Variants in MGAT5 observed in about 807,000 individuals in gnomAD.
MGAT5 encodes the protein alpha-1,6-mannosylglycoprotein 6-beta-N-acetylglucosaminyltransferase.
Under a neutral mutation model 94.3 loss-of-function variants are expected in MGAT5, and 30 were observed. The observed-to-expected ratio is 0.32, with a 90% CI of 0.24 to 0.43. The LOEUF is 0.43. MGAT5 is among the 20% of genes least tolerant of loss of function. The pLI, the probability that MGAT5 is intolerant of heterozygous loss-of-function variation, is 1.00. For synonymous variants in MGAT5, 310 were observed against 322.9 expected (o/e 0.96, Z 0.43); for missense variants, 691 against 905.5 (o/e 0.76, Z 3.04).
chr2:134,341,482 G>T (rs927617336), intron 6 of MGAT5, 108 bp from the exon 7 acceptor site: 71 of 880,690 alleles, frequency 8.1e-5, no homozygotes, highest in Non-Finnish European at 1.1e-4. Flanking sequence ...CTTTGATTTT[G>T]TTAGGATGTA....
At chr2:134,400,021 T>A (rs1682943190) in intron 10 of MGAT5, among the ~76,000 whole-genome samples, 1 of 152,204 alleles carries the variant, frequency 6.6e-6, no homozygotes, top group African/African-American at 2.4e-5. Context: ...TTTGAGCCCC[T>A]TGATGGCAAG....
intron 1 of MGAT5, among the ~76,000 whole-genome samples, chr2:134,258,810 T>C (rs1370956226): frequency 1.3e-5 from 2 of 152,254 alleles, no homozygotes; most frequent in African/African-American, 4.8e-5. Flanking sequence ...TGCCACATCC[T>C]GTCTGCATGG....
In MGAT5 at chr2:134,428,445, G is replaced by T; in HGVS notation, c.1869+6G>T. ...ATGCTTTCATTGAAAAACAGGTAAG[G>T]CTTATCAGAAGTCAGTCTGTCTTTG... On this transcript the variant is annotated splice_donor_region_variant and intron_variant, in intron 14 of 15. Transcript: ENST00000281923. The T allele has an allele frequency of 6.2e-7, 1 of 1,613,118 alleles. No homozygotes were observed. The highest frequency in any genetic ancestry group is 8.5e-7 in the Non-Finnish European group (1 of 1,179,412).
intron 1 of MGAT5, among the ~76,000 whole-genome samples, chr2:134,122,872 C>G (rs980341196): frequency 6.6e-6 from 1 of 152,230 alleles, no homozygotes; most frequent in Non-Finnish European, 1.5e-5. Flanking sequence ...CCAGATCTGC[C>G]GGTGGCAACC....
intron 13 of MGAT5, among the ~76,000 whole-genome samples, chr2:134,426,986 G>A (rs531211033): frequency 6.6e-6 from 1 of 152,224 alleles, no homozygotes; most frequent in Admixed American, 6.5e-5. Flanking sequence ...CCACATTTGT[G>A]CATTTGTTCA....
intron 1 of MGAT5, among the ~76,000 whole-genome samples, chr2:134,178,796 G>C (rs1324760017): frequency 6.6e-6 from 1 of 152,074 alleles, no homozygotes; most frequent in African/African-American, 2.4e-5. Context: ...TCATGTTTCT[G>C]TCATGCTCTT....
intron 1 of MGAT5, among the ~76,000 whole-genome samples, chr2:134,193,556 C>T (rs2105244191): frequency 6.6e-6 from 1 of 152,206 alleles, no homozygotes; most frequent in African/African-American, 2.4e-5. Context: ...GGACATGCCC[C>T]CTAAGCCCTC....
In MGAT5 at chr2:134,411,433, C is replaced by CA. The variant is rs1683652994; in HGVS notation, c.1531-1436_1531-1435insA. 3.3e-5 allele frequency among the ~76,000 whole-genome samples: 5 copies of CA among 152,308 alleles called. No individual in the cohort carries two copies. In the East Asian group the frequency reaches 7.7e-4, roughly 23 times the overall value. On this transcript the variant is annotated intron_variant, in intron 11 of 15. Coordinates refer to ENST00000281923, the MANE Select transcript of MGAT5 (RefSeq NM_002410.5). ...TCCCAGCTCCCTGCCCTGTGGACAT[C>CA]TCTGGCATTGTGATCACGCAGTTTT...
chr2:134,125,947 G>C (rs1305771472), intron 1 of MGAT5, among the ~76,000 whole-genome samples: 4 of 152,188 alleles, frequency 2.6e-5, no homozygotes, highest in South Asian at 4.1e-4. Flanking sequence ...TCTCAGCATT[G>C]ATTTCCTTTC....
intron 14 of MGAT5, 150 bp from the exon 15 acceptor site, chr2:134,441,608 C>A: frequency 2.2e-6 from 2 of 924,510 alleles, no homozygotes; most frequent in Non-Finnish European, 3.3e-6. Flanking sequence ...TCCAGCTGAG[C>A]CCCAATCCAG....
chr2:134,286,676 T>C (rs1401037872), intron 2 of MGAT5, among the ~76,000 whole-genome samples: 1 of 152,166 alleles, frequency 6.6e-6, no homozygotes, highest in Admixed American at 6.5e-5. Flanking sequence ...TGCCTCGCCC[T>C]CCCAAAGTGC....
intron 1 of MGAT5, among the ~76,000 whole-genome samples, chr2:134,128,874 G>A (rs370916392): frequency 1.2e-4 from 18 of 152,154 alleles, no homozygotes; most frequent in Non-Finnish European, 2.1e-4. Context: ...GTGAGCCACC[G>A]TGTCTGGACA....
intron 1 of MGAT5, among the ~76,000 whole-genome samples, chr2:134,215,679 G>A (rs1680458440): frequency 6.6e-6 from 1 of 152,148 alleles, no homozygotes; most frequent in African/African-American, 2.4e-5. Context: ...AAACTTCCTT[G>A]TAAGTTTCAG....
At chr2:134,239,089 C>G (rs757619707) in intron 1 of MGAT5, among the ~76,000 whole-genome samples, 1 of 152,194 alleles carries the variant, frequency 6.6e-6, no homozygotes, top group East Asian at 1.9e-4. Flanking sequence ...ACGTCTGACT[C>G]TCAGCTTCAA....
chr2:134,233,040 G>A (rs1182013682), intron 1 of MGAT5, among the ~76,000 whole-genome samples: 1 of 152,204 alleles, frequency 6.6e-6, no homozygotes, highest in Non-Finnish European at 1.5e-5. Flanking sequence ...GAATAGTATA[G>A]ACATTGATTC....
At chr2:134,271,809 G>A (rs926909818) in intron 2 of MGAT5, among the ~76,000 whole-genome samples, 3 of 152,164 alleles carry the variant, frequency 2.0e-5, no homozygotes, top group Non-Finnish European at 4.4e-5. Flanking sequence ...AACAGCTTCT[G>A]TAATTAGACA....
intron 1 of MGAT5, among the ~76,000 whole-genome samples, chr2:134,189,475 A>G (rs1689207840): frequency 6.6e-6 from 1 of 152,064 alleles, no homozygotes; most frequent in South Asian, 2.1e-4. Flanking sequence ...TGGCCTGGGA[A>G]GGGCTTCTTG....
At chr2:134,217,576 A>C (rs1277895261) in intron 1 of MGAT5, among the ~76,000 whole-genome samples, 3 of 152,218 alleles carry the variant, frequency 2.0e-5, no homozygotes, top group African/African-American at 7.2e-5. Flanking sequence ...CTCAGTAGGA[A>C]CATTCATTAA....
At chr2:134,439,972 G>T (rs966233355) in intron 14 of MGAT5, among the ~76,000 whole-genome samples, 1 of 152,172 alleles carries the variant, frequency 6.6e-6, no homozygotes, top group Non-Finnish European at 1.5e-5. Context: ...CACAGATCTG[G>T]AAAGGAAACG....
Sources: allele counts gnomAD v4.1 joint callset (sites outside exome capture counted in the v4.1 genomes callset), GRCh38; gene constraint gnomAD v4.1.1; transcripts MANE v1.5; gene names NCBI Gene and HGNC (gene_info 2026-07-23, HGNC 2026-07-21).